The following SDK1 variants were observed in gnomAD, a reference collection of about 807,000 sequenced individuals.
SDK1 encodes the protein protein sidekick-1.
Under a neutral mutation model 245.5 loss-of-function variants are expected in SDK1, and 157 were observed. The ratio of observed to expected loss-of-function variants is 0.64; its 90% confidence interval spans 0.56 to 0.73. SDK1 has a LOEUF of 0.73. SDK1 is among the 30% of genes least tolerant of loss of function. The pLI, the probability that SDK1 is intolerant of heterozygous loss-of-function variation, is 0.00. For missense variants in SDK1, 3,583 were observed against 3,002.3 expected (o/e 1.19, Z -4.52); for synonymous variants, 1,647 against 1,278.5 (o/e 1.29, Z -6.15).
intron 32 of SDK1, among the ~76,000 whole-genome samples, chr7:4,169,574 C>T (rs1265818642): frequency 6.6e-6 from 1 of 152,216 alleles, no homozygotes; most frequent in African/African-American, 2.4e-5. Context: ...TTCAGAGCCG[C>T]CTTCCTCACT....
chr7:3,619,834 C>T (rs1400183066), intron 2 of SDK1, among the ~76,000 whole-genome samples: 1 of 152,174 alleles, frequency 6.6e-6, no homozygotes, highest in African/African-American at 2.4e-5. Context: ...GGACAGAGGG[C>T]CTGAACCTGT....
chr7:3,347,356 G>C (rs980226542), intron 1 of SDK1, among the ~76,000 whole-genome samples: 3 of 152,086 alleles, frequency 2.0e-5, no homozygotes, highest in Non-Finnish European at 4.4e-5. Flanking sequence ...GTGTATATAT[G>C]ATATGTTGGA....
At chr7:4,185,304 C>T (rs1178803388) in intron 35 of SDK1, among the ~76,000 whole-genome samples, 1 of 152,204 alleles carries the variant, frequency 6.6e-6, no homozygotes, top group Non-Finnish European at 1.5e-5. Context: ...AGCCAGAGTT[C>T]TGGGCCCAGC....
chr7:3,978,199 C>T (rs759035866), intron 13 of SDK1, among the ~76,000 whole-genome samples: 5 of 151,972 alleles, frequency 3.3e-5, no homozygotes, highest in Non-Finnish European at 5.9e-5. Flanking sequence ...GATCATCCAT[C>T]GTTGGTATCA....
At chr7:3,567,291 G>T (rs370370440) in intron 1 of SDK1, among the ~76,000 whole-genome samples, 4 of 150,772 alleles carry the variant, frequency 2.7e-5, no homozygotes, top group Non-Finnish European at 4.5e-5. Flanking sequence ...GTGGGTTGTT[G>T]TGAGAATGAA....
chr7:4,268,079 T>G lies in SDK1; in HGVS notation c.*2695T>G. On this transcript the variant is annotated 3_prime_UTR_variant, in exon 45 of 45. Transcript: ENST00000404826. ...AAAAAGAGGACAAACAAAATGTCTC[T>G]AAGCCAGGCTAGATGGAATGTGCTC... 2.0e-6 allele frequency: 2 copies of G among 985,506 alleles called. No individual in the cohort carries two copies. The highest frequency in any genetic ancestry group is 2.4e-6 in the Non-Finnish European group (2 of 829,952). The allele number at this position is 985,506 out of a possible 1,614,324, so 61.0% of individuals were successfully genotyped here.
At chr7:3,548,255 T>G (rs1027623627) in intron 1 of SDK1, among the ~76,000 whole-genome samples, 1 of 152,330 alleles carries the variant, frequency 6.6e-6, no homozygotes, top group African/African-American at 2.4e-5. Flanking sequence ...ATATCATTGA[T>G]ATAACTGATT....
intron 1 of SDK1, among the ~76,000 whole-genome samples, chr7:3,442,060 G>A (rs1013076067): frequency 1.3e-5 from 2 of 152,114 alleles, no homozygotes; most frequent in African/African-American, 4.8e-5. Context: ...CTAGCCTGCT[G>A]GTACCTGCCA....
At chr7:3,824,762 T>C (rs533435945) in intron 5 of SDK1, among the ~76,000 whole-genome samples, 15 of 152,260 alleles carry the variant, frequency 9.9e-5, no homozygotes, top group Admixed American at 9.8e-4. Flanking sequence ...AAAAGATAGA[T>C]AGGTTTTAGA....
Position 3,384,546 on chromosome 7 carries a change from C to G in SDK1, c.298+82662C>G, listed in dbSNP as rs1013805764. On this transcript the variant is annotated intron_variant, in intron 1 of 44. Transcript: ENST00000404826. The stretch of plus-strand genomic sequence containing the variant: ...GTTGTCTAACCCAGTGTTTCCCAAG[C>G]TTGTCTGAAGACAGACATTTCCACT... Among the ~76,000 whole-genome samples the G allele has an allele frequency of 2.0e-5, 3 of 152,312 alleles. No homozygotes were observed. The East Asian group carries it at 5.8e-4, about 29-fold the overall frequency.
chr7:4,050,832 A>C (rs1789394195), intron 18 of SDK1, among the ~76,000 whole-genome samples: 1 of 147,372 alleles, frequency 6.8e-6, no homozygotes, highest in African/African-American at 2.5e-5. Context: ...TTTCATCTTT[A>C]TTCTTTACTG....
At position 4,076,888 on chromosome 7, in the gene SDK1, A is replaced by G. The variant is rs1317652953; in HGVS notation, c.3011-110A>G. On this transcript the variant is annotated intron_variant, in intron 20 of 44. Transcript: ENST00000404826. Reference sequence around the variant, plus strand: ...AGTGGCTCTAAGCTGCCTTCAGCACATCCAGCCAAGCTCTCCATAGCTCCA... The same window carrying G: ...AGTGGCTCTAAGCTGCCTTCAGCACGTCCAGCCAAGCTCTCCATAGCTCCA... The G allele has an allele frequency of 5.3e-6, 5 of 943,146 alleles. No homozygotes were observed. In the African/African-American group the frequency reaches 6.5e-5, roughly 12 times the overall value. 58.4% of individuals were successfully genotyped at this position (943,146 alleles called of 1,614,324 possible). A position where few individuals can be genotyped will look rare whatever the true frequency, so the allele number is the denominator to read the frequency against.
In SDK1 at chr7:4,021,203, G is replaced by A. The variant is rs142159605; in HGVS notation, c.2602+3851G>A. On this transcript the variant is annotated intron_variant, in intron 17 of 44. Coordinates refer to ENST00000404826, the MANE Select transcript of SDK1 (RefSeq NM_152744.4). The stretch of plus-strand genomic sequence containing the variant: ...GCAGTCTGGCCCTGGAGGTGAGACT[G>A]TCATTCATGAAATAAGAGCAGGAAG... Among the ~76,000 whole-genome samples, 293 of 152,272 alleles carry A rather than the reference G, an allele frequency of 1.9e-3. 2 individuals carry two copies. The highest frequency in any genetic ancestry group is 6.7e-3 in the African/African-American group (278 of 41,568).
intron 4 of SDK1, among the ~76,000 whole-genome samples, chr7:3,731,317 C>T (rs1264473707): frequency 6.6e-6 from 1 of 152,198 alleles, no homozygotes; most frequent in East Asian, 1.9e-4. Flanking sequence ...CTACAAGCTG[C>T]TGCTTATGTC....
At chr7:4,078,092 G>C (rs982870150) in intron 21 of SDK1, among the ~76,000 whole-genome samples, 5 of 152,186 alleles carry the variant, frequency 3.3e-5, no homozygotes, top group Non-Finnish European at 4.4e-5. Context: ...TGGAGCCACA[G>C]AGTGGAGTGT....
At chr7:3,710,460 G>A (rs936286563) in intron 4 of SDK1, among the ~76,000 whole-genome samples, 1 of 152,170 alleles carries the variant, frequency 6.6e-6, no homozygotes, top group Non-Finnish European at 1.5e-5. Flanking sequence ...AATTATTAAG[G>A]ACTAATGTCA....
intron 1 of SDK1, among the ~76,000 whole-genome samples, chr7:3,404,666 A>G (rs997475311): frequency 1.3e-5 from 2 of 152,222 alleles, no homozygotes; most frequent in Non-Finnish European, 2.9e-5. Flanking sequence ...GTCTTTTTGC[A>G]TGACTGAAGT....
At chr7:4,146,867 T>C (rs1241723030) in intron 29 of SDK1, among the ~76,000 whole-genome samples, 2 of 152,184 alleles carry the variant, frequency 1.3e-5, no homozygotes, top group South Asian at 2.1e-4. Flanking sequence ...CAGAGGAAAC[T>C]GAGAGAGTTT....
At chr7:3,699,886 C>A (rs1408376623) in intron 4 of SDK1, among the ~76,000 whole-genome samples, 1 of 152,036 alleles carries the variant, frequency 6.6e-6, no homozygotes, top group Non-Finnish European at 1.5e-5. Context: ...AAGAAATGCA[C>A]ATCAAGAAAC....
Sources: gnomAD v4.1 joint callset for allele counts (sites outside exome capture counted in the v4.1 genomes callset) on GRCh38, gnomAD v4.1.1 for gene constraint, MANE v1.5 for transcripts, NCBI Gene and HGNC (gene_info 2026-07-23, HGNC 2026-07-21) for gene names.